TECRL: variants seen among roughly 807,000 people sequenced by gnomAD.
The protein encoded by TECRL is trans-2,3-enoyl-CoA reductase-like.
Under a neutral mutation model 52.8 loss-of-function variants are expected in TECRL, and 63 were observed. The ratio of observed to expected loss-of-function variants is 1.19; its 90% CI spans 0.97 to 1.47. The LOEUF (loss-of-function observed/expected upper bound fraction) is 1.47. Ranked by LOEUF, TECRL falls within the 40% of genes most tolerant of loss-of-function variation. The pLI, the probability that TECRL is intolerant of heterozygous loss-of-function variation, is 0.00. For missense variants in TECRL, 482 were observed against 429.6 expected (o/e 1.12, Z -1.08); for synonymous variants, 164 against 141.9 (o/e 1.16, Z -1.10).
At chr4:64,379,247 TACACAC>T (rs4034911) in intron 1 of TECRL, among the ~76,000 whole-genome samples, 60,209 of 145,204 alleles carry the variant, frequency 0.41, 12,404 homozygotes, top group East Asian at 0.56. Flanking sequence ...CACACACACA[TACACAC>T]ACACACACAC....
Position 64,280,208 on chromosome 4 carries a change from A to G in TECRL, c.965-9T>C, listed in dbSNP as rs1722749245. On this transcript the variant is annotated splice_polypyrimidine_tract_variant and intron_variant, in intron 11 of 11. Transcript: ENST00000381210. ...AAGTGTAAAAATTCCAACTAGAAGA[A>G]AAAAGAAATAATTATTATTTCTTTC... 1 of 1,479,908 alleles carries G rather than the reference A, an allele frequency of 6.8e-7. No homozygotes were observed. Among genetic ancestry groups the G allele is most frequent in the Admixed American group, 2.4e-5 (1 of 41,154 alleles). 91.7% of individuals were successfully genotyped at this position (1,479,908 alleles called of 1,614,324 possible).
chr4:64,392,668 G>A (rs1723625887), intron 1 of TECRL, among the ~76,000 whole-genome samples: 1 of 151,896 alleles, frequency 6.6e-6, no homozygotes, highest in South Asian at 2.1e-4. Context: ...TTGTCTGTCA[G>A]CTTCACAAGC....
At position 64,314,652 on chromosome 4, in the gene TECRL, C is replaced by T. The variant is rs1324864319; in HGVS notation, c.547G>A (p.Val183Ile). The change falls in exon 5 of 12, where the codon GTA becomes ATA. Residue 183 changes from valine (V) to isoleucine (I), a missense_variant. Coordinates refer to ENST00000381210, the MANE Select transcript of TECRL (RefSeq NM_001010874.5). The part of the protein sequence containing the change: ...ESARRLRHPV[V>I]HLACFCHCIH... ...GTGTGTGTGTGTATCACTTACTGTA[C>T]CACTGGGTGGCGTAATCTTCTAGCA... 3.7e-6 allele frequency: 5 copies of T among 1,356,234 alleles called. No individual in the cohort carries two copies. Among genetic ancestry groups the T allele is most frequent in the Non-Finnish European group, 5.2e-6 (5 of 964,404 alleles). 84.0% of individuals were successfully genotyped at this position (1,356,234 alleles called of 1,614,324 possible).
At chr4:64,395,400 T>G (rs182758177) in intron 1 of TECRL, among the ~76,000 whole-genome samples, 1 of 151,068 alleles carries the variant, frequency 6.6e-6, no homozygotes, top group Admixed American at 6.6e-5. Context: ...CACTAGATCA[T>G]TAGATAAGTT....
intron 2 of TECRL, among the ~76,000 whole-genome samples, chr4:64,344,222 A>T (rs1399467373): frequency 7.1e-6 from 1 of 140,220 alleles, no homozygotes; most frequent in Non-Finnish European, 1.6e-5. Flanking sequence ...TATACATATA[A>T]GATGATACAA....
At position 64,379,834 on chromosome 4, in the gene TECRL, G is replaced by C. The variant is rs187637773; in HGVS notation, c.235-4611C>G. 2.0e-3 allele frequency among the ~76,000 whole-genome samples: 302 copies of C among 152,096 alleles called. 2 individuals carry two copies. Among genetic ancestry groups the C allele is most frequent in the African/African-American group, 6.8e-3 (284 of 41,514 alleles). On this transcript the variant is annotated intron_variant, in intron 1 of 11. Coordinates refer to ENST00000381210, the MANE Select transcript of TECRL (RefSeq NM_001010874.5). ...CTGCAAATAGTTGATTCTATAGCTT[G>C]GTTATTGTGAATAGTGTTGCAATAA...
chr4:64,278,957 A>G lies in TECRL; in HGVS notation c.*1115T>C, dbSNP rs533609656. The G allele has an allele frequency of 1.3e-5, 2 of 152,222 alleles. No individual in the cohort carries two copies. The highest frequency in any genetic ancestry group is 4.8e-5 in the African/African-American group (2 of 41,526). The allele number at this position is 152,222 out of a possible 1,614,324, so 9.4% of individuals were successfully genotyped here. A position where few individuals can be genotyped will look rare whatever the true frequency, so the allele number is the denominator to read the frequency against. On this transcript the variant is annotated 3_prime_UTR_variant, in exon 12 of 12. Transcript: ENST00000381210. The stretch of plus-strand genomic sequence containing the variant: ...ACAGGAATTCAGTTTTTATGGCTGC[A>G]TAGTATTCTATTGTGTATATATACC...
intron 1 of TECRL, among the ~76,000 whole-genome samples, chr4:64,384,844 C>T (rs940642278): frequency 4.6e-5 from 7 of 152,174 alleles, no homozygotes; most frequent in African/African-American, 1.7e-4. Flanking sequence ...ATAATGTGCA[C>T]AGACACTGGA....
At chr4:64,354,933 G>A (rs779067182) in intron 2 of TECRL, among the ~76,000 whole-genome samples, 1 of 152,112 alleles carries the variant, frequency 6.6e-6, no homozygotes, top group Non-Finnish European at 1.5e-5. Flanking sequence ...GGATAAGTAA[G>A]TAAACTATTT....
At chr4:64,348,568 G>A (rs190423828) in intron 2 of TECRL, among the ~76,000 whole-genome samples, 6 of 151,848 alleles carry the variant, frequency 4.0e-5, no homozygotes, top group African/African-American at 7.2e-5. Context: ...TCTTTTTTCC[G>A]GTGCTGTCAT....
At chr4:64,363,720 G>A (rs1037363931) in intron 2 of TECRL, among the ~76,000 whole-genome samples, 4 of 152,148 alleles carry the variant, frequency 2.6e-5, no homozygotes, top group African/African-American at 9.6e-5. Context: ...AAGCATGTCA[G>A]GGCAAATATT....
intron 4 of TECRL, among the ~76,000 whole-genome samples, chr4:64,321,190 T>C (rs564975929): frequency 6.6e-6 from 1 of 152,074 alleles, no homozygotes; most frequent in Non-Finnish European, 1.5e-5. Context: ...AAATATATCT[T>C]AAAAAGAAAG....
At chr4:64,382,962 T>C (rs1261526736) in intron 1 of TECRL, among the ~76,000 whole-genome samples, 1 of 152,172 alleles carries the variant, frequency 6.6e-6, no homozygotes, top group Non-Finnish European at 1.5e-5. Flanking sequence ...GCATTTCTTG[T>C]AGGATCAGTC....
At chr4:64,346,035 C>G (rs771115420) in intron 2 of TECRL, among the ~76,000 whole-genome samples, 1 of 150,602 alleles carries the variant, frequency 6.6e-6, no homozygotes, top group African/African-American at 2.4e-5. Context: ...ACAACACACA[C>G]AAACACACAC....
chr4:64,358,832 G>A (rs1422970898), intron 2 of TECRL, among the ~76,000 whole-genome samples: 1 of 151,792 alleles, frequency 6.6e-6, no homozygotes, highest in East Asian at 1.9e-4. Context: ...TTAGCAATAA[G>A]ATTCAGTATA....
chr4:64,356,050 G>A (rs1023423782), intron 2 of TECRL, among the ~76,000 whole-genome samples: 4 of 152,072 alleles, frequency 2.6e-5, no homozygotes, highest in African/African-American at 9.7e-5. Flanking sequence ...ATGGAATCAA[G>A]GTTTAAGGGA....
intron 2 of TECRL, among the ~76,000 whole-genome samples, chr4:64,332,156 A>C (rs1054238644): frequency 2.6e-5 from 4 of 152,184 alleles, no homozygotes; most frequent in East Asian, 1.9e-4. Context: ...TTGGAAGAAG[A>C]AGCTAAGAGG....
intron 2 of TECRL, among the ~76,000 whole-genome samples, chr4:64,350,172 C>T (rs990370699): frequency 2.0e-5 from 3 of 152,154 alleles, no homozygotes; most frequent in East Asian, 3.9e-4. Context: ...TGAGTCAGAA[C>T]ACATCTTTTT....
chr4:64,409,357 G>A lies in TECRL; in HGVS notation c.-6C>T, dbSNP rs539707092. 1.6e-5 allele frequency: 25 copies of A among 1,610,644 alleles called. No individual in the cohort carries two copies. The highest frequency in any genetic ancestry group is 8.5e-6 in the Non-Finnish European group (10 of 1,177,688). On this transcript the variant is annotated 5_prime_UTR_variant, in exon 1 of 12. Coordinates refer to ENST00000381210, the MANE Select transcript of TECRL (RefSeq NM_001010874.5). ...GACTTGTGCCTTTTGAACATTGTGTGAACTAAGAGGAGGGTCTGTCATGTC... is the reference window on the plus strand; with the variant it reads ...GACTTGTGCCTTTTGAACATTGTGTAAACTAAGAGGAGGGTCTGTCATGTC...
Sources: allele counts gnomAD v4.1 joint callset (sites outside exome capture counted in the v4.1 genomes callset), GRCh38; gene constraint gnomAD v4.1.1; transcripts MANE v1.5; gene names NCBI Gene and HGNC (gene_info 2026-07-23, HGNC 2026-07-21).